Variants in COPS9 observed in about 807,000 individuals in gnomAD.
COPS9 encodes the protein COP9 signalosome complex subunit 9.
In COPS9, 8 loss-of-function variants were observed where a neutral mutation model predicts 7.2. That is an observed-to-expected ratio of 1.11 (90% CI 0.65 to 2.00). The LOEUF (loss-of-function observed/expected upper bound fraction) is 2.00. Ranked by LOEUF, COPS9 falls within the 30% of genes most tolerant of loss-of-function variation. The probability of loss-of-function intolerance (pLI) is 0.00; values close to 1 mark genes in which losing one functional copy is unlikely to be tolerated. For synonymous variants in COPS9, 39 were observed against 28.7 expected, an observed-to-expected ratio of 1.36 and a Z score of -1.14; for missense variants, 74 against 77.7, an observed-to-expected ratio of 0.95 and a Z score of 0.18.
At chr2:240,127,945 T>C (rs2071883527), downstream of COPS9, among the ~76,000 whole-genome samples, 1 of 151,448 alleles carries the variant, frequency 6.6e-6, no homozygotes, top group Non-Finnish European at 1.5e-5. Context: ...TCACACCCCC[T>C]CAAAAATCAC....
downstream of COPS9, chr2:240,126,721 G>A (rs890541544): frequency 1.2e-6 from 2 of 1,614,054 alleles, no homozygotes; most frequent in Non-Finnish European, 1.7e-6. Context: ...GTGGTTCTGA[G>A]CACCTCTAGA....
In COPS9 at chr2:240,136,211, G is replaced by T. The variant is rs2151712823; in HGVS notation, c.63+11C>A. On this transcript the variant is annotated intron_variant, in intron 1 of 2. Coordinates refer to ENST00000607357, the MANE Select transcript of COPS9 (RefSeq NM_001163424.2). ...CCCCACGCTCGGAGACTCCCGCCGGGCCCGTGCCACCTCGTCCAGGTCCAC... is the reference window on the plus strand; with the variant it reads ...CCCCACGCTCGGAGACTCCCGCCGGTCCCGTGCCACCTCGTCCAGGTCCAC... 3 of 1,535,876 alleles carry T rather than the reference G, an allele frequency of 2.0e-6. No homozygotes were observed. The highest frequency in any genetic ancestry group is 2.7e-5 in the East Asian group (1 of 37,108).
intron 2 of COPS9, 106 bp downstream of exon 2, chr2:240,133,827 A>T: frequency 8.7e-7 from 1 of 1,149,950 alleles, no homozygotes; most frequent in Non-Finnish European, 1.3e-6. Context: ...CAGGGGCTCT[A>T]CCACCTTATG....
At chr2:240,131,710 C>T (rs1449735091) in intron 2 of COPS9, among the ~76,000 whole-genome samples, 1 of 152,214 alleles carries the variant, frequency 6.6e-6, no homozygotes, top group African/African-American at 2.4e-5. Context: ...AAGATTTTGT[C>T]CTTCTGTTTA....
downstream of COPS9, among the ~76,000 whole-genome samples, chr2:240,128,459 C>G (rs2071888764): frequency 6.6e-6 from 1 of 152,166 alleles, no homozygotes; most frequent in South Asian, 2.1e-4. Flanking sequence ...CCAGAAGGCT[C>G]CCTCGCCCTC....
rs200342885 is a variant in COPS9, at chr2:240,135,508, C to G, written c.63+714G>C. Among the ~76,000 whole-genome samples, 11 of 152,318 alleles carry G rather than the reference C, an allele frequency of 7.2e-5. No homozygotes were observed. The East Asian group carries it at 2.1e-3, about 29-fold the overall frequency. On this transcript the variant is annotated intron_variant, in intron 1 of 2. Transcript: ENST00000607357. ...CACATAAGGCCCTGACATGTAGGAG[C>G]TGGCCTGCCACTCTGAGCTAGGCTG...
downstream of COPS9, chr2:240,130,810 A>C: frequency 8.7e-6 from 12 of 1,385,254 alleles, no homozygotes; most frequent in Non-Finnish European, 1.1e-5. Flanking sequence ...AAGTGCAAGA[A>C]AGAGATCACT....
chr2:240,135,425 C>T (rs1178460096), intron 1 of COPS9, among the ~76,000 whole-genome samples: 1 of 152,180 alleles, frequency 6.6e-6, no homozygotes, highest in East Asian at 1.9e-4. Flanking sequence ...GCTATTACCT[C>T]CACAAGCACA....
intron 1 of COPS9, among the ~76,000 whole-genome samples, chr2:240,134,921 C>G (rs1328442580): frequency 6.6e-6 from 1 of 152,144 alleles, no homozygotes. Flanking sequence ...AATGCTGCCA[C>G]CCTACAGAGC....
chr2:240,129,168 A>G (rs1468246385), downstream of COPS9, among the ~76,000 whole-genome samples: 1 of 152,166 alleles, frequency 6.6e-6, no homozygotes, highest in African/African-American at 2.4e-5. Context: ...CCAGAGAAAC[A>G]TTTCTGGTTT....
At chr2:240,129,749 G>A (rs977464211), downstream of COPS9, among the ~76,000 whole-genome samples, 6 of 152,232 alleles carry the variant, frequency 3.9e-5, no homozygotes, top group East Asian at 3.8e-4. Flanking sequence ...CAAGAACATA[G>A]CACTGAAAAA....
At chr2:240,129,882 A>G (rs1405241604), downstream of COPS9, 2 of 1,597,592 alleles carry the variant, frequency 1.3e-6, no homozygotes, top group Non-Finnish European at 8.6e-7. Context: ...GGCCCAGTGC[A>G]GACCTTCTTA....
intron 1 of COPS9, among the ~76,000 whole-genome samples, chr2:240,135,138 C>T (rs1005428368): frequency 6.6e-6 from 1 of 152,068 alleles, no homozygotes; most frequent in Admixed American, 6.5e-5. Context: ...CCCACTGTCT[C>T]CCCTCTCTCT....
chr2:240,134,300 G>C, intron 1 of COPS9: 1 of 318,840 alleles, frequency 3.1e-6, no homozygotes, highest in South Asian at 6.4e-5. Flanking sequence ...GCCCCTCAAG[G>C]AGAGCTTTCC....
chr2:240,126,842 G>C, downstream of COPS9: 1 of 1,614,190 alleles, frequency 6.2e-7, no homozygotes, highest in Non-Finnish European at 8.5e-7. Context: ...GATGTTCTCT[G>C]CATCTGGTAA....
downstream of COPS9, among the ~76,000 whole-genome samples, chr2:240,127,110 T>C: frequency 6.6e-6 from 1 of 152,132 alleles, no homozygotes; most frequent in Admixed American, 6.5e-5. Flanking sequence ...GGACACAGGG[T>C]TCCTGGGACC....
chr2:240,127,622 G>A (rs1046137982), downstream of COPS9, among the ~76,000 whole-genome samples: 1 of 152,176 alleles, frequency 6.6e-6, no homozygotes, highest in Non-Finnish European at 1.5e-5. Context: ...GCCCTCATGA[G>A]TGGGATCAGC....
intron 2 of COPS9, 45 bp downstream of exon 2, chr2:240,133,888 G>C: frequency 6.3e-7 from 1 of 1,593,802 alleles, no homozygotes; most frequent in South Asian, 1.1e-5. Context: ...ACCTAGAGAA[G>C]AAATATTCAG....
chr2:240,133,781 G>T, intron 2 of COPS9, 152 bp downstream of exon 2: 2 of 698,406 alleles, frequency 2.9e-6, no homozygotes, highest in Non-Finnish European at 4.8e-6. Flanking sequence ...CCGTGTCATC[G>T]CTCCACAGAG....
Sources: gnomAD v4.1 joint callset for allele counts (sites outside exome capture counted in the v4.1 genomes callset) on GRCh38, gnomAD v4.1.1 for gene constraint, MANE v1.5 for transcripts, NCBI Gene and HGNC (gene_info 2026-07-23, HGNC 2026-07-21) for gene names.